The following NKAIN2 variants were observed in gnomAD, a reference collection of about 807,000 sequenced individuals.
The protein encoded by NKAIN2 is sodium/potassium-transporting ATPase subunit beta-1-interacting protein 2.
Under a neutral mutation model 32.6 loss-of-function variants are expected in NKAIN2, and 14 were observed. The ratio of observed to expected loss-of-function variants is 0.43; its 90% confidence interval spans 0.28 to 0.67. NKAIN2 has a LOEUF of 0.67. Ranked by LOEUF, NKAIN2 falls within the 30% of genes least tolerant of loss-of-function variation. NKAIN2 has a pLI of 0.17. For missense variants in NKAIN2, 198 were observed against 258.3 expected (o/e 0.77, Z 1.60); for synonymous variants, 80 against 87.2 (o/e 0.92, Z 0.46).
At chr6:124,563,183 C>T (rs1180343244) in intron 3 of NKAIN2, among the ~76,000 whole-genome samples, 4 of 152,102 alleles carry the variant, frequency 2.6e-5, no homozygotes, top group African/African-American at 7.2e-5. Flanking sequence ...GGATTACAGG[C>T]GTGAGCCACT....
At chr6:124,615,530 C>A (rs1201880728) in intron 3 of NKAIN2, among the ~76,000 whole-genome samples, 2 of 152,088 alleles carry the variant, frequency 1.3e-5, no homozygotes, top group African/African-American at 4.8e-5. Context: ...AAACAAGCAA[C>A]CAAAATCAGT....
At chr6:124,185,148 A>G (rs1295185409) in intron 1 of NKAIN2, among the ~76,000 whole-genome samples, 2 of 152,160 alleles carry the variant, frequency 1.3e-5, no homozygotes, top group Admixed American at 6.6e-5. Context: ...AAGTCATAGC[A>G]ATTCTACTAT....
chr6:124,357,650 T>C (rs1480135307), intron 3 of NKAIN2, among the ~76,000 whole-genome samples: 1 of 152,152 alleles, frequency 6.6e-6, no homozygotes, highest in East Asian at 1.9e-4. Flanking sequence ...GTGAAAGAAA[T>C]GTATTTATTT....
Position 123,941,226 on chromosome 6 carries a change from G to A in NKAIN2, c.54+136972G>A, listed in dbSNP as rs235679. Among the ~76,000 whole-genome samples, 38 of 151,368 alleles carry A rather than the reference G, an allele frequency of 2.5e-4. No individual in the cohort carries two copies. In the East Asian group the frequency reaches 5.0e-3, roughly 20 times the overall value. On this transcript the variant is annotated intron_variant, in intron 1 of 6. Coordinates refer to ENST00000368417, the MANE Select transcript of NKAIN2 (RefSeq NM_001040214.3). ...AACAAGTCTGCCCTGATAACATTTC[G>A]TTCCGGGATTCTTCCTGAAGGACTG...
chr6:124,074,719 A>G (rs1233151405), intron 1 of NKAIN2, among the ~76,000 whole-genome samples: 1 of 152,088 alleles, frequency 6.6e-6, no homozygotes, highest in African/African-American at 2.4e-5. Context: ...TTCTTCACCA[A>G]AATCTTAATC....
chr6:124,313,764 G>A (rs1796820072), intron 2 of NKAIN2, among the ~76,000 whole-genome samples: 1 of 152,040 alleles, frequency 6.6e-6, no homozygotes, highest in African/African-American at 2.4e-5. Flanking sequence ...AGTATCTGTT[G>A]TTTCCTTAAA....
At chr6:124,479,046 C>T (rs1562210710) in intron 3 of NKAIN2, among the ~76,000 whole-genome samples, 2 of 152,002 alleles carry the variant, frequency 1.3e-5, no homozygotes, top group South Asian at 4.1e-4. Flanking sequence ...TGAGGAAAAC[C>T]GACAAACACA....
intron 2 of NKAIN2, 22 bp downstream of exon 2, chr6:124,283,164 T>A: frequency 6.4e-7 from 1 of 1,560,556 alleles, no homozygotes; most frequent in Non-Finnish European, 8.8e-7. Context: ...TTCTGCCTTT[T>A]AAAAATCTTA....
chr6:124,712,361 T>A (rs1475598160), intron 4 of NKAIN2, among the ~76,000 whole-genome samples: 12 of 114,390 alleles, frequency 1.0e-4, no homozygotes, highest in South Asian at 2.7e-4. Flanking sequence ...TGGAGCTTTC[T>A]GGCTGCTTTG....
intron 4 of NKAIN2, among the ~76,000 whole-genome samples, chr6:124,752,918 C>T (rs1215923637): frequency 6.6e-6 from 1 of 152,014 alleles, no homozygotes; most frequent in African/African-American, 2.4e-5. Flanking sequence ...ACAAAAGGAA[C>T]AAAAGAAATC....
chr6:124,678,466 T>C (rs565556495), intron 4 of NKAIN2, among the ~76,000 whole-genome samples: 3 of 152,298 alleles, frequency 2.0e-5, no homozygotes, highest in African/African-American at 7.2e-5. Context: ...GTTTGCTGAT[T>C]GATTTTTTTT....
chr6:124,155,655 C>A (rs1582753488), intron 1 of NKAIN2, among the ~76,000 whole-genome samples: 5 of 147,978 alleles, frequency 3.4e-5, no homozygotes, highest in African/African-American at 2.5e-5. Context: ...TATGATTTAA[C>A]AATTCCATGA....
intron 1 of NKAIN2, among the ~76,000 whole-genome samples, chr6:123,831,176 A>G (rs1774363321): frequency 2.0e-5 from 3 of 152,030 alleles, no homozygotes; most frequent in East Asian, 3.9e-4. Context: ...TGCCATTACC[A>G]TGGGATATTC....
At chr6:124,189,126 C>T (rs967626318) in intron 1 of NKAIN2, among the ~76,000 whole-genome samples, 13 of 151,748 alleles carry the variant, frequency 8.6e-5, no homozygotes, top group Non-Finnish European at 1.8e-4. Flanking sequence ...AAGGTGCTCA[C>T]ATGAAGGAAA....
intron 2 of NKAIN2, among the ~76,000 whole-genome samples, chr6:124,326,077 G>T (rs999074192): frequency 2.0e-5 from 3 of 148,712 alleles, no homozygotes; most frequent in African/African-American, 7.4e-5. Context: ...TACTTCTTTT[G>T]TTATTTTTAT....
At chr6:124,802,312 C>A (rs1780296671) in intron 5 of NKAIN2, among the ~76,000 whole-genome samples, 1 of 152,110 alleles carries the variant, frequency 6.6e-6, no homozygotes, top group Non-Finnish European at 1.5e-5. Context: ...AAGACATACC[C>A]AATCATGTCT....
rs1350847056 is a variant in NKAIN2 at position 124,712,560 on chromosome 6, G to A, written c.474+54174G>A. ...AGCCCGTCGGAAAAGCGCAGTATTC[G>A]GGTGGGAGTGACCCGATTTTCCAGG... On this transcript the variant is annotated intron_variant, in intron 4 of 6. Coordinates refer to ENST00000368417, the MANE Select transcript of NKAIN2 (RefSeq NM_001040214.3). Among the ~76,000 whole-genome samples the A allele has an allele frequency of 9.7e-5, 13 of 133,946 alleles. 1 individual carries two copies. The highest frequency in any genetic ancestry group is 2.9e-4 in the Admixed American group (4 of 13,606). 87.9% of individuals were successfully genotyped at this position (133,946 alleles called of 152,430 possible). A position where few individuals can be genotyped will look rare whatever the true frequency, so the allele number is the denominator to read the frequency against.
chr6:124,187,020 T>G (rs1789779692), intron 1 of NKAIN2, among the ~76,000 whole-genome samples: 1 of 152,194 alleles, frequency 6.6e-6, no homozygotes, highest in Non-Finnish European at 1.5e-5. Flanking sequence ...GGTGGCATGA[T>G]GCTTTTTAGA....
rs776820352 is a variant in NKAIN2 at position 124,104,661 on chromosome 6, A to T, written c.55-178344A>T. 5.9e-5 allele frequency among the ~76,000 whole-genome samples: 9 copies of T among 152,372 alleles called. No individual in the cohort carries two copies. The East Asian group carries it at 7.7e-4, about 13-fold the overall frequency. On this transcript the variant is annotated intron_variant, in intron 1 of 6. Transcript: ENST00000368417. Reference sequence around the variant, plus strand: ...AAAGCATCTAAAATAAAGGGAAGGAAACATAATGTTGGAGATTCATGAATG... The same window carrying T: ...AAAGCATCTAAAATAAAGGGAAGGATACATAATGTTGGAGATTCATGAATG...
Sources: gnomAD v4.1 joint callset for allele counts (sites outside exome capture counted in the v4.1 genomes callset) on GRCh38, gnomAD v4.1.1 for gene constraint, MANE v1.5 for transcripts, NCBI Gene and HGNC (gene_info 2026-07-23, HGNC 2026-07-21) for gene names.